CTDP1: variants seen among roughly 807,000 people sequenced by gnomAD.
The protein encoded by CTDP1 is RNA polymerase II subunit A C-terminal domain phosphatase.
CTDP1 carries 47 observed loss-of-function variants against 91.8 expected under a neutral mutation model. The observed-to-expected ratio is 0.51, with a 90% CI of 0.41 to 0.65. The LOEUF is 0.65. Among genes scored for constraint, CTDP1 ranks in the 30% least tolerant of loss-of-function variants. CTDP1 has a pLI of 0.00. For synonymous variants in CTDP1, 656 were observed against 598.5 expected (o/e 1.10, Z -1.40); for missense variants, 1,272 against 1,373.7 (o/e 0.93, Z 1.17).
chr18:79,685,836 A>G (rs2085482590), intron 1 of CTDP1, among the ~76,000 whole-genome samples: 1 of 152,242 alleles, frequency 6.6e-6, no homozygotes, highest in African/African-American at 2.4e-5. Context: ...AAGAATCTTG[A>G]TGAATTGGTA....
chr18:79,746,274 T>A (rs1238335448), intron 12 of CTDP1, among the ~76,000 whole-genome samples: 5 of 83,250 alleles, frequency 6.0e-5, no homozygotes, highest in African/African-American at 1.4e-4. Flanking sequence ...TGTGCCCGCG[T>A]CCCTCCCGTG....
intron 12 of CTDP1, among the ~76,000 whole-genome samples, chr18:79,740,604 C>T (rs2086756809): frequency 6.6e-6 from 1 of 152,218 alleles, no homozygotes; most frequent in Non-Finnish European, 1.5e-5. Flanking sequence ...AGCTGGAGGT[C>T]ACTCTGCTCT....
In CTDP1 at chr18:79,680,242, G is replaced by T. The variant is rs1035960838; in HGVS notation, c.295G>T (p.Gly99Cys). The stretch of plus-strand genomic sequence containing the variant: ...GGTGCGGGAGCTGTGCGCGCAGCCG[G>T]GCCAGGTGGTCGCCCCAGGGTGAGT... ...GVVRELCAQPGQVVAPGAVLV... is the reference protein window; with the variant it reads ...GVVRELCAQPCQVVAPGAVLV... Residue 99 changes from glycine to cysteine, a missense_variant, in exon 1 of 13, where the codon GGC becomes TGC. Around this residue, in one of 3 missense-constraint regions of CTDP1, gnomAD observed 214 missense variants for 179.1 expected, o/e 1.19. Coordinates refer to ENST00000613122, the MANE Select transcript of CTDP1 (RefSeq NM_004715.5). 1.1e-5 allele frequency: 14 copies of T among 1,306,142 alleles called. No homozygotes were observed. Among genetic ancestry groups the T allele is most frequent in the Non-Finnish European group, 1.4e-5 (14 of 1,032,274 alleles). 80.9% of individuals were successfully genotyped at this position (1,306,142 alleles called of 1,614,324 possible). A position where few individuals can be genotyped will look rare whatever the true frequency, so the allele number is the denominator to read the frequency against.
intron 1 of CTDP1, among the ~76,000 whole-genome samples, chr18:79,694,117 G>A (rs1379374537): frequency 5.3e-4 from 79 of 150,234 alleles, no homozygotes; most frequent in African/African-American, 1.9e-3. Context: ...TCATGTCCGC[G>A]GGTCAGGGTG....
At chr18:79,679,656 G>A, upstream of CTDP1, 1 of 517,816 alleles carries the variant, frequency 1.9e-6, no homozygotes, top group African/African-American at 1.9e-5. Flanking sequence ...GGAAAAGTAG[G>A]TAGGGCTCAG....
In CTDP1 at chr18:79,680,061, G is replaced by T. The variant is rs1436066686; in HGVS notation, c.114G>T (p.Ala38=). 8.0e-7 allele frequency: 1 copy of T among 1,253,566 alleles called. No individual in the cohort carries two copies. Among genetic ancestry groups the T allele is most frequent in the African/African-American group, 1.6e-5 (1 of 63,704 alleles). 77.7% of individuals were successfully genotyped at this position (1,253,566 alleles called of 1,614,324 possible). A position where few individuals can be genotyped will look rare whatever the true frequency, so the allele number is the denominator to read the frequency against. ...TGCGCCTGCTGGAGTGGAGGGTGGC[G>T]GCGGGCGCGGCCGTGCGCATCGGCT... ...APLRLLEWRV[A]AGAAVRIGSV... is the part of the protein sequence containing the mutation. Residue 38 remains alanine, a synonymous_variant, in exon 1 of 13, where the codon GCG becomes GCT. Transcript: ENST00000613122.
At chr18:79,728,816 A>C in intron 10 of CTDP1, 91 bp from the exon 11 acceptor site, 1 of 1,291,546 alleles carries the variant, frequency 7.7e-7, no homozygotes, top group Non-Finnish European at 1.1e-6. Context: ...GTGAGTGTTT[A>C]CCTAGTCCGA....
In CTDP1 at chr18:79,680,049, G is replaced by T; in HGVS notation, c.102G>T (p.Glu34Asp). ...GGCCCGCGCCGCTGCGCCTGCTGGA[G>T]TGGAGGGTGGCGGCGGGCGCGGCCG... ...CPGPAPLRLL[E>D]WRVAAGAAVR... The change falls in exon 1 of 13, where the codon GAG becomes GAT. Residue 34 changes from glutamate (E) to aspartate (D), a missense_variant. Coordinates refer to ENST00000613122, the MANE Select transcript of CTDP1 (RefSeq NM_004715.5). The T allele has an allele frequency of 2.4e-6, 3 of 1,257,056 alleles. No homozygotes were observed. The highest frequency in any genetic ancestry group is 3.0e-6 in the Non-Finnish European group (3 of 1,005,318). 77.9% of individuals were successfully genotyped at this position (1,257,056 alleles called of 1,614,324 possible).
intron 10 of CTDP1, among the ~76,000 whole-genome samples, chr18:79,727,482 G>A (rs891307909): frequency 3.9e-5 from 6 of 152,284 alleles, no homozygotes; most frequent in East Asian, 1.9e-4. Flanking sequence ...CGGCTTTCGC[G>A]GGGTGGGAAG....
intron 1 of CTDP1, among the ~76,000 whole-genome samples, chr18:79,683,666 C>T (rs527528630): frequency 5.8e-4 from 89 of 152,342 alleles, no homozygotes; most frequent in Non-Finnish European, 9.8e-4. Context: ...CTGGCTTGGG[C>T]GAAGCCCTTG....
chr18:79,689,469 C>T (rs1282628405), intron 1 of CTDP1, among the ~76,000 whole-genome samples: 1 of 151,754 alleles, frequency 6.6e-6, no homozygotes, highest in Non-Finnish European at 1.5e-5. Flanking sequence ...TTCTTCTCCA[C>T]TTTTTGGTTG....
rs1400739064 is a variant in CTDP1 at position 79,717,569 on chromosome 18, A to G, written c.2103A>G (p.Gly701=). The part of the protein sequence containing the change: ...TEKVLQAQEC[G]HLHVVNPDWL... Reference sequence around the variant, plus strand: ...AGGTGCTGCAGGCACAGGAGTGCGGACACCTGCACGTGGTCAACCCTGACT... The same window carrying G: ...AGGTGCTGCAGGCACAGGAGTGCGGGCACCTGCACGTGGTCAACCCTGACT... Residue 701 remains glycine (G), a synonymous_variant, in exon 9 of 13, where the codon GGA becomes GGG. Transcript: ENST00000613122. 1 of 1,613,808 alleles carries G rather than the reference A, an allele frequency of 6.2e-7. No homozygotes were observed. The highest frequency in any genetic ancestry group is 1.7e-5 in the Admixed American group (1 of 60,018).
rs781700069 is a variant in CTDP1 at position 79,704,936 on chromosome 18, G to A, written c.772+19G>A. The stretch of plus-strand genomic sequence containing the variant: ...ATCGCAGGTCAGTCAAGCCGCAGCC[G>A]AAGAGGCCGTGTGAACAGTGGGTTT... On this transcript the variant is annotated intron_variant, in intron 5 of 12. Coordinates refer to ENST00000613122, the MANE Select transcript of CTDP1 (RefSeq NM_004715.5). The A allele has an allele frequency of 7.4e-6, 12 of 1,612,582 alleles. No homozygotes were observed. The highest frequency in any genetic ancestry group is 2.2e-5 in the South Asian group (2 of 91,088).
intron 10 of CTDP1, among the ~76,000 whole-genome samples, chr18:79,725,159 G>A (rs192443250): frequency 1.1e-3 from 164 of 152,304 alleles, no homozygotes; most frequent in Admixed American, 3.9e-3. Flanking sequence ...ATTCCCGTTG[G>A]TTGTGGTGTA....
chr18:79,687,156 C>A (rs1186315674), intron 1 of CTDP1, among the ~76,000 whole-genome samples: 2 of 117,512 alleles, frequency 1.7e-5, no homozygotes, highest in Non-Finnish European at 1.8e-5. Context: ...GGGCCTGCAC[C>A]GCAGCAGTTG....
chr18:79,735,467 A>T (rs943821399), intron 11 of CTDP1: 5 of 151,990 alleles, frequency 3.3e-5, no homozygotes, highest in Admixed American at 6.6e-5. Context: ...CGCCAACACC[A>T]CTCCGACGTG....
chr18:79,713,975 G>T lies in CTDP1; in HGVS notation c.1031-516G>T, dbSNP rs1403033914. Reference sequence around the variant, plus strand: ...TTACGGCCACGGTGGCGCCAGGTCTGCAGGGGCTTACGGCCACGGTGGTGC... The same window carrying T: ...TTACGGCCACGGTGGCGCCAGGTCTTCAGGGGCTTACGGCCACGGTGGTGC... On this transcript the variant is annotated intron_variant, in intron 7 of 12. Transcript: ENST00000613122. This position sits in a 1 kb window ranked among gnomAD's most constrained non-coding sequence, Gnocchi z 4.7. 4.7e-5 allele frequency among the ~76,000 whole-genome samples: 5 copies of T among 107,140 alleles called. No individual in the cohort carries two copies. The highest frequency in any genetic ancestry group is 2.5e-4 in the East Asian group (1 of 4,014). The allele number at this position is 107,140 out of a possible 152,430, so 70.3% of individuals were successfully genotyped here. A position where few individuals can be genotyped will look rare whatever the true frequency, so the allele number is the denominator to read the frequency against.
chr18:79,698,282 G>A (rs1259113227), intron 4 of CTDP1, among the ~76,000 whole-genome samples: 1 of 152,188 alleles, frequency 6.6e-6, no homozygotes, highest in East Asian at 1.9e-4. Context: ...AACGTCCCGA[G>A]CCTGTGAGGA....
At position 79,754,474 on chromosome 18, in the gene CTDP1, A is replaced by G. The variant is rs934812070; in HGVS notation, c.*684A>G. 4 of 152,718 alleles carry G rather than the reference A, an allele frequency of 2.6e-5. No homozygotes were observed. Among genetic ancestry groups the G allele is most frequent in the African/African-American group, 9.7e-5 (4 of 41,428 alleles). 9.5% of individuals were successfully genotyped at this position (152,718 alleles called of 1,614,324 possible). On this transcript the variant is annotated 3_prime_UTR_variant, in exon 13 of 13. Coordinates refer to ENST00000613122, the MANE Select transcript of CTDP1 (RefSeq NM_004715.5). ...ATTTCATATCTGACCCACCAAACAG[A>G]TTTCTCTTTAATAAAAATCCTTTTT...
Sources: allele counts gnomAD v4.1 joint callset (sites outside exome capture counted in the v4.1 genomes callset), GRCh38; gene constraint gnomAD v4.1.1; regional missense constraint gnomAD v4.1.1; non-coding constraint Gnocchi (gnomAD v3.1); transcripts MANE v1.5; gene names NCBI Gene and HGNC (gene_info 2026-07-23, HGNC 2026-07-21).